CNTNAP2: variants seen among roughly 807,000 people sequenced by gnomAD.
CNTNAP2 encodes the protein contactin-associated protein-like 2.
A neutral mutation model predicts 155.2 loss-of-function variants in CNTNAP2; 98 were observed. The ratio of observed to expected loss-of-function variants is 0.63; its 90% confidence interval spans 0.54 to 0.75. The LOEUF (loss-of-function observed/expected upper bound fraction) is 0.75. Among genes scored for constraint, CNTNAP2 ranks in the 30% least tolerant of loss-of-function variants. The pLI is 0.00. For synonymous variants in CNTNAP2, 651 were observed against 631.2 expected, an observed-to-expected ratio of 1.03 and a Z score of -0.47; for missense variants, 1,727 against 1,688.1, an observed-to-expected ratio of 1.02 and a Z score of -0.40.
intron 1 of CNTNAP2, among the ~76,000 whole-genome samples, chr7:146,436,348 GT>G (rs1174163277): frequency 1.3e-5 from 2 of 152,246 alleles, no homozygotes; most frequent in Admixed American, 6.5e-5. Flanking sequence ...GCATGTTGAT[GT>G]GGCTATATAT....
chr7:146,176,221 G>A (rs1449586811), intron 1 of CNTNAP2, among the ~76,000 whole-genome samples: 2 of 152,150 alleles, frequency 1.3e-5, no homozygotes, highest in Non-Finnish European at 2.9e-5. Flanking sequence ...TTATAAGTCT[G>A]ATTTCAAACT....
chr7:148,368,147 T>A (rs1443345987), intron 21 of CNTNAP2, among the ~76,000 whole-genome samples: 1 of 152,208 alleles, frequency 6.6e-6, no homozygotes, highest in Non-Finnish European at 1.5e-5. Context: ...TGGCTCAGAT[T>A]AGCTTTGTTC....
intron 3 of CNTNAP2, among the ~76,000 whole-genome samples, chr7:146,929,849 A>T (rs1307502417): frequency 6.6e-6 from 1 of 152,228 alleles, no homozygotes; most frequent in Non-Finnish European, 1.5e-5. Context: ...GTGATGGAAG[A>T]TGAAATAAAT....
intron 1 of CNTNAP2, among the ~76,000 whole-genome samples, chr7:146,207,545 T>C (rs1798964803): frequency 6.6e-6 from 1 of 151,872 alleles, no homozygotes; most frequent in Non-Finnish European, 1.5e-5. Context: ...CCTTTCAATC[T>C]CCTTCTTTTC....
intron 3 of CNTNAP2, among the ~76,000 whole-genome samples, chr7:147,000,327 A>G (rs1189354818): frequency 1.3e-5 from 2 of 152,044 alleles, no homozygotes; most frequent in African/African-American, 4.8e-5. Context: ...GCTTCCTTAA[A>G]ACAGTTATTT....
chr7:146,159,975 A>G (rs1450185791), intron 1 of CNTNAP2, among the ~76,000 whole-genome samples: 1 of 152,222 alleles, frequency 6.6e-6, no homozygotes, highest in Non-Finnish European at 1.5e-5. Flanking sequence ...TCCAAAATTG[A>G]TCACACAGTT....
chr7:147,458,362 C>A lies in CNTNAP2; in HGVS notation c.1671-27573C>A, dbSNP rs150835175. Reference sequence around the variant, plus strand: ...CATGCAAAATTAATCAAATTGCAAGCTCTTGATGCATAGACTCACAAGCAA... The same window carrying A: ...CATGCAAAATTAATCAAATTGCAAGATCTTGATGCATAGACTCACAAGCAA... On this transcript the variant is annotated intron_variant, in intron 10 of 23. Transcript: ENST00000361727. Among the ~76,000 whole-genome samples the A allele has an allele frequency of 6.7e-3, 1,015 of 152,124 alleles. 10 individuals carry two copies. Among genetic ancestry groups the A allele is most frequent in the African/African-American group, 0.023 (952 of 41,512 alleles).
chr7:146,595,597 A>G (rs1239492892), intron 1 of CNTNAP2, among the ~76,000 whole-genome samples: 1 of 152,048 alleles, frequency 6.6e-6, no homozygotes, highest in Non-Finnish European at 1.5e-5. Flanking sequence ...AGTAGGTGGA[A>G]ATATACTCAT....
At chr7:147,020,318 C>A (rs1261838160) in intron 3 of CNTNAP2, among the ~76,000 whole-genome samples, 1 of 152,094 alleles carries the variant, frequency 6.6e-6, no homozygotes, top group East Asian at 1.9e-4. Flanking sequence ...TAGTGTGGAA[C>A]TGGATTTTGA....
chr7:146,908,328 C>T (rs1440939914), intron 3 of CNTNAP2, among the ~76,000 whole-genome samples: 2 of 149,670 alleles, frequency 1.3e-5, no homozygotes, highest in Admixed American at 1.3e-4. Context: ...AACTCTCCAC[C>T]CCAAATCAAC....
chr7:147,586,629 G>A (rs956996330), intron 12 of CNTNAP2, among the ~76,000 whole-genome samples: 2 of 151,504 alleles, frequency 1.3e-5, no homozygotes, highest in East Asian at 2.0e-4. Context: ...AAAGAATGAG[G>A]CAGAAACAAA....
intron 3 of CNTNAP2, among the ~76,000 whole-genome samples, chr7:146,954,451 G>A (rs1797391013): frequency 6.6e-6 from 1 of 151,876 alleles, no homozygotes; most frequent in South Asian, 2.1e-4. Flanking sequence ...CTATAATGTG[G>A]AAAGAAAAGG....
intron 12 of CNTNAP2, among the ~76,000 whole-genome samples, chr7:147,633,044 G>A (rs1237133710): frequency 6.6e-6 from 1 of 152,248 alleles, no homozygotes; most frequent in Non-Finnish European, 1.5e-5. Flanking sequence ...CAAACAGGCT[G>A]CAGAAATTTG....
intron 16 of CNTNAP2, among the ~76,000 whole-genome samples, chr7:148,128,956 G>T (rs1472700624): frequency 6.6e-6 from 1 of 152,036 alleles, no homozygotes; most frequent in Non-Finnish European, 1.5e-5. Context: ...CCTCCCCATC[G>T]TGGAGGGTAC....
intron 3 of CNTNAP2, among the ~76,000 whole-genome samples, chr7:147,022,735 A>T (rs1457488659): frequency 6.6e-6 from 1 of 152,144 alleles, no homozygotes; most frequent in African/African-American, 2.4e-5. Flanking sequence ...AAATATTTAA[A>T]CTACTTTTAT....
In CNTNAP2 at chr7:146,622,447, A is replaced by T. The variant is rs1799342867; in HGVS notation, c.98-151824A>T. Among the ~76,000 whole-genome samples the T allele has an allele frequency of 2.0e-5, 3 of 151,950 alleles. 1 individual carries two copies. The South Asian group carries it at 6.2e-4, about 31-fold the overall frequency. On this transcript the variant is annotated intron_variant, in intron 1 of 23. Coordinates refer to ENST00000361727, the MANE Select transcript of CNTNAP2 (RefSeq NM_014141.6). ...GGAATATAATTGTGCAAGGGGATAT[A>T]TGTGTTTCTACTAAGCCATGTATAT...
intron 8 of CNTNAP2, among the ~76,000 whole-genome samples, chr7:147,261,257 C>T (rs1804457779): frequency 2.0e-5 from 3 of 152,188 alleles, no homozygotes; most frequent in Middle Eastern, 3.4e-3. Flanking sequence ...ATCCAGGCAC[C>T]GCCAGGTTAA....
chr7:148,264,409 T>A (rs560312975), intron 20 of CNTNAP2, among the ~76,000 whole-genome samples: 1 of 152,268 alleles, frequency 6.6e-6, no homozygotes, highest in South Asian at 2.1e-4. Context: ...ATTACTTGTA[T>A]CCATTTTTAA....
At chr7:147,154,969 A>G (rs1801894756) in intron 8 of CNTNAP2, among the ~76,000 whole-genome samples, 1 of 152,222 alleles carries the variant, frequency 6.6e-6, no homozygotes, top group Non-Finnish European at 1.5e-5. Context: ...ATAATTTAAT[A>G]GAGAGAAATG....
Sources: allele counts gnomAD v4.1 joint callset (sites outside exome capture counted in the v4.1 genomes callset), GRCh38; gene constraint gnomAD v4.1.1; transcripts MANE v1.5; gene names NCBI Gene and HGNC (gene_info 2026-07-23, HGNC 2026-07-21).